Variants in DROSHA observed in about 807,000 individuals in gnomAD.
The protein encoded by DROSHA is ribonuclease 3.
DROSHA carries 56 observed loss-of-function variants against 181.9 expected under a neutral mutation model. That is an observed-to-expected ratio of 0.31 (90% confidence interval 0.25 to 0.38). The LOEUF (loss-of-function observed/expected upper bound fraction) is 0.38. DROSHA is among the 10% of genes least tolerant of loss of function. The pLI is 1.00. For missense variants in DROSHA, 1,218 were observed against 1,743.5 expected (o/e 0.70, Z 5.37); for synonymous variants, 524 against 591.2 (o/e 0.89, Z 1.65).
In DROSHA at chr5:31,515,567, A is replaced by G. The variant is rs1407570166; in HGVS notation, c.948-3T>C. On this transcript the variant is annotated splice_polypyrimidine_tract_variant and splice_region_variant and intron_variant, in intron 6 of 35. Transcript: ENST00000344624. ...GAACAACCGATAAACCGTAACTCCT[A>G]AAAGAAAAAGATATTTGCAAAATGT... 5.2e-6 allele frequency: 8 copies of G among 1,551,240 alleles called. No individual in the cohort carries two copies. In the Admixed American group the frequency reaches 7.8e-5, roughly 15 times the overall value.
chr5:31,481,451 G>A (rs774245523), intron 16 of DROSHA, among the ~76,000 whole-genome samples: 32 of 152,086 alleles, frequency 2.1e-4, no homozygotes, highest in African/African-American at 7.5e-4. Context: ...GTCATAAAAC[G>A]CCTACAGGAA....
chr5:31,421,482 C>T (rs377205737), intron 29 of DROSHA, 105 bp from the exon 30 acceptor site: 14 of 942,040 alleles, frequency 1.5e-5, no homozygotes, highest in Middle Eastern at 2.4e-4. Flanking sequence ...ACAATGTGTT[C>T]ATTTTGTTTT....
At chr5:31,450,991 C>T (rs922060929) in intron 21 of DROSHA, among the ~76,000 whole-genome samples, 5 of 152,142 alleles carry the variant, frequency 3.3e-5, no homozygotes, top group Non-Finnish European at 7.4e-5. Context: ...CACCTGAGGT[C>T]AGAAGTTCGA....
intron 13 of DROSHA, among the ~76,000 whole-genome samples, chr5:31,491,624 T>A (rs1233230141): frequency 6.7e-6 from 1 of 150,066 alleles, no homozygotes; most frequent in African/African-American, 2.5e-5. Context: ...CAGTAGATGG[T>A]GGGGGGTGGA....
chr5:31,437,604 C>T (rs1745037632), intron 23 of DROSHA, among the ~76,000 whole-genome samples: 1 of 152,086 alleles, frequency 6.6e-6, no homozygotes, highest in Admixed American at 6.5e-5. Flanking sequence ...TATTTCCATA[C>T]TACTATCAGG....
In DROSHA at chr5:31,494,797, C is replaced by T. The variant is rs190179132; in HGVS notation, c.1755+489G>A. On this transcript the variant is annotated intron_variant, in intron 12 of 35. Coordinates refer to ENST00000344624, the MANE Select transcript of DROSHA (RefSeq NM_001382508.1). Reference sequence around the variant, plus strand: ...TCACGCCATTCTCCTGCCTCAGCCTCCCGAGTAGCTGGGACTACAGGTGCC... The same window carrying T: ...TCACGCCATTCTCCTGCCTCAGCCTTCCGAGTAGCTGGGACTACAGGTGCC... Among the ~76,000 whole-genome samples the T allele has an allele frequency of 5.2e-3, 794 of 151,986 alleles. 8 individuals are homozygous for T. Among genetic ancestry groups the T allele is most frequent in the African/African-American group, 0.018 (761 of 41,354 alleles).
intron 27 of DROSHA, among the ~76,000 whole-genome samples, chr5:31,428,744 T>G (rs1343715561): frequency 6.6e-6 from 1 of 152,228 alleles, no homozygotes; most frequent in Non-Finnish European, 1.5e-5. Context: ...TGTTCTTTAT[T>G]GCTCCATGAG....
Position 31,451,582 on chromosome 5 carries a change from T to G in DROSHA, c.2633A>C (p.His878Pro), listed in dbSNP as rs368409491. The G allele has an allele frequency of 3.0e-5, 48 of 1,612,988 alleles. 1 individual carries two copies. Among genetic ancestry groups the G allele is most frequent in the Non-Finnish European group, 3.6e-5 (43 of 1,179,560 alleles). Residue 878 changes from histidine (H) to proline (P), a missense_variant, in exon 21 of 36, where the codon CAT becomes CCT. Physicochemically the swap from His to Pro is moderately conservative, Grantham distance 77. Coordinates refer to ENST00000344624, the MANE Select transcript of DROSHA (RefSeq NM_001382508.1). Reference sequence around the variant, plus strand: ...AGTATATCCTATCAACTTGTCCAAATGCATTAGGCATTGGTGGTAGCGGAT... The same window carrying G: ...AGTATATCCTATCAACTTGTCCAAAGGCATTAGGCATTGGTGGTAGCGGAT... The part of the protein sequence containing the change: ...HHIRYHQCLM[H>P]LDKLIGYTFQ...
chr5:31,445,827 C>G (rs902352267), intron 23 of DROSHA, among the ~76,000 whole-genome samples: 1 of 152,160 alleles, frequency 6.6e-6, no homozygotes, highest in Non-Finnish European at 1.5e-5. Context: ...TAACATCTTC[C>G]TCAATAGTGA....
intron 5 of DROSHA, among the ~76,000 whole-genome samples, chr5:31,523,878 G>A (rs1740197637): frequency 6.7e-6 from 1 of 149,190 alleles, no homozygotes; most frequent in Non-Finnish European, 1.5e-5. Context: ...AGGAGGCTGA[G>A]ACAGGAGAAT....
At chr5:31,492,178 C>T (rs1437930643) in intron 13 of DROSHA, among the ~76,000 whole-genome samples, 2 of 152,180 alleles carry the variant, frequency 1.3e-5, no homozygotes, top group African/African-American at 2.4e-5. Flanking sequence ...TTTATTTTTA[C>T]ATTACAATGT....
chr5:31,428,279 A>AG (rs1554022464), intron 27 of DROSHA, among the ~76,000 whole-genome samples: 19 of 13,816 alleles, frequency 1.4e-3, no homozygotes, highest in African/African-American at 3.6e-3. Context: ...GACAGGGAGG[A>AG]GGTGGGGGTG....
At chr5:31,524,370 A>G (rs10940954) in intron 5 of DROSHA, among the ~76,000 whole-genome samples, 130,819 of 152,222 alleles carry the variant, frequency 0.86, 56,349 homozygotes, top group East Asian at 0.98. Context: ...AGCAACAAGA[A>G]CCAAGACCAG....
chr5:31,504,113 A>G (rs1343064384), intron 11 of DROSHA, among the ~76,000 whole-genome samples: 1 of 152,218 alleles, frequency 6.6e-6, no homozygotes, highest in African/African-American at 2.4e-5. Context: ...TCCCTGATAA[A>G]CCAAGGGCAG....
chr5:31,450,999 C>T (rs1208819293), intron 21 of DROSHA, among the ~76,000 whole-genome samples: 4 of 152,122 alleles, frequency 2.6e-5, no homozygotes, highest in African/African-American at 9.7e-5. Context: ...GTCAGAAGTT[C>T]GAGACCAGCC....
At position 31,510,936 on chromosome 5, in the gene DROSHA, A is replaced by C; in HGVS notation, c.1432+99T>G. On this transcript the variant is annotated intron_variant, in intron 9 of 35. Coordinates refer to ENST00000344624, the MANE Select transcript of DROSHA (RefSeq NM_001382508.1). ...AATTAAGAAAAATAAAATGAAAAAGAAGAAATCTCAATGTGGGACTCTCAA... is the reference window on the plus strand; with the variant it reads ...AATTAAGAAAAATAAAATGAAAAAGCAGAAATCTCAATGTGGGACTCTCAA... 2.1e-6 allele frequency: 3 copies of C among 1,421,442 alleles called. No homozygotes were observed. The South Asian group carries it at 4.0e-5, about 19-fold the overall frequency. 88.1% of individuals were successfully genotyped at this position (1,421,442 alleles called of 1,614,324 possible).
chr5:31,514,870 A>T lies in DROSHA; in HGVS notation c.1290+118T>A. 1 of 922,042 alleles carries T rather than the reference A, an allele frequency of 1.1e-6. No individual in the cohort carries two copies. The allele number at this position is 922,042 out of a possible 1,614,324, so 57.1% of individuals were successfully genotyped here. On this transcript the variant is annotated intron_variant, in intron 8 of 35. Coordinates refer to ENST00000344624, the MANE Select transcript of DROSHA (RefSeq NM_001382508.1). The surrounding 1 kb of genome is among the most constrained non-coding windows in gnomAD (Gnocchi z 4.4). The stretch of plus-strand genomic sequence containing the variant: ...ACAGGTAGAGCCCAGAGATGCCGCT[A>T]AACATCCTACAATGCATAGGGCAGT...
chr5:31,528,943 A>G (rs746821068), intron 4 of DROSHA, 97 bp downstream of exon 4: 3 of 1,476,406 alleles, frequency 2.0e-6, no homozygotes, highest in Non-Finnish European at 2.8e-6. Flanking sequence ...CCCTCTCCCC[A>G]TGTATCTAAA....
intron 30 of DROSHA, among the ~76,000 whole-genome samples, chr5:31,415,993 G>A (rs1463125966): frequency 7.9e-5 from 12 of 152,166 alleles, no homozygotes; most frequent in South Asian, 2.1e-4. Context: ...ACTCCTTCCC[G>A]AGTAGGCCTT....
Sources: gnomAD v4.1 joint callset for allele counts (sites outside exome capture counted in the v4.1 genomes callset) on GRCh38, gnomAD v4.1.1 for gene constraint, Gnocchi (gnomAD v3.1) non-coding constraint, MANE v1.5 for transcripts, NCBI Gene and HGNC (gene_info 2026-07-23, HGNC 2026-07-21) for gene names.